Variants in LRP1B observed in about 807,000 individuals in gnomAD.
LRP1B encodes the protein LDL receptor related protein 1B, also known as low-density lipoprotein receptor-related protein 1B.
In LRP1B, 217 loss-of-function variants were observed where a neutral mutation model predicts 556.6. The observed-to-expected ratio is 0.39, with a 90% CI of 0.35 to 0.44. The LOEUF is 0.44. Ranked by LOEUF, LRP1B falls within the 20% of genes least tolerant of loss-of-function variation. LRP1B has a pLI of 1.00. For synonymous variants in LRP1B, 2,047 were observed against 1,865.8 expected, an observed-to-expected ratio of 1.10 and a Z score of -2.50; for missense variants, 5,053 against 5,620.8, an observed-to-expected ratio of 0.90 and a Z score of 3.23.
intron 59 of LRP1B, among the ~76,000 whole-genome samples, chr2:140,484,449 T>C (rs924157073): frequency 3.9e-5 from 6 of 152,174 alleles, no homozygotes; most frequent in Non-Finnish European, 7.4e-5. Context: ...TTAATTTAAA[T>C]TGCAGAAAAT....
chr2:141,212,854 A>G (rs891599631), intron 6 of LRP1B, among the ~76,000 whole-genome samples: 3 of 152,212 alleles, frequency 2.0e-5, no homozygotes, highest in Non-Finnish European at 4.4e-5. Flanking sequence ...ATGTTGACGT[A>G]TAATGAAACC....
chr2:140,629,638 G>A (rs985353587), intron 41 of LRP1B, among the ~76,000 whole-genome samples: 1 of 152,134 alleles, frequency 6.6e-6, no homozygotes, highest in Non-Finnish European at 1.5e-5. Context: ...CTATTGATAT[G>A]TATAAAAAAC....
chr2:141,929,845 A>G (rs1700437379), intron 1 of LRP1B, among the ~76,000 whole-genome samples: 1 of 149,308 alleles, frequency 6.7e-6, no homozygotes, highest in Non-Finnish European at 1.5e-5. Context: ...GGTCTCAGAG[A>G]TGAGTAAAAT....
intron 4 of LRP1B, among the ~76,000 whole-genome samples, chr2:141,249,500 G>A (rs1684186481): frequency 6.6e-6 from 1 of 152,144 alleles, no homozygotes. Flanking sequence ...AGGCAGCTGA[G>A]GCATGAGAAT....
intron 1 of LRP1B, among the ~76,000 whole-genome samples, chr2:142,099,928 G>A (rs1706512236): frequency 6.6e-6 from 1 of 151,760 alleles, no homozygotes; most frequent in Non-Finnish European, 1.5e-5. Flanking sequence ...ACCCCTCCTG[G>A]AATAGTAACC....
At position 140,701,780 on chromosome 2, in the gene LRP1B, C is replaced by T. The variant is rs746021966; in HGVS notation, c.6368G>A (p.Arg2123Lys). 6.2e-7 allele frequency: 1 copy of T among 1,613,164 alleles called. No individual in the cohort carries two copies. The change falls in exon 40 of 91, where the codon AGA becomes AAA. Residue 2123 changes from arginine to lysine, a missense_variant. Arg to Lys is a conservative substitution (Grantham distance 26). Transcript: ENST00000389484. The stretch of plus-strand genomic sequence containing the variant: ...CTTCAGGTTGACTCCAAGGCCGGTT[C>T]TCATGGTTATCGTTTCTGTGGCATC... ...KNDATETITM[R>K]TGLGVNLKEV...
intron 41 of LRP1B, among the ~76,000 whole-genome samples, chr2:140,604,670 A>T (rs572964419): frequency 6.6e-6 from 1 of 152,248 alleles, no homozygotes; most frequent in Admixed American, 6.5e-5. Flanking sequence ...TCCGGCTAGG[A>T]AAACAGTCGC....
chr2:140,646,764 A>G (rs925617344), intron 41 of LRP1B, among the ~76,000 whole-genome samples: 1 of 152,076 alleles, frequency 6.6e-6, no homozygotes, highest in African/African-American at 2.4e-5. Context: ...TTTCAGCATC[A>G]TTCCTAGATA....
At chr2:141,246,771 C>G (rs1056227902) in intron 5 of LRP1B, among the ~76,000 whole-genome samples, 19 of 152,246 alleles carry the variant, frequency 1.2e-4, no homozygotes, top group Admixed American at 1.2e-3. Context: ...TTGAGACCAG[C>G]CTGGCCAACA....
chr2:140,509,846 C>T lies in LRP1B; in HGVS notation c.8398+82G>A, dbSNP rs951215355. On this transcript the variant is annotated intron_variant, in intron 52 of 90. Transcript: ENST00000389484. The stretch of plus-strand genomic sequence containing the variant: ...AACTAGGAAAGCAATGGGAAATGTG[C>T]TATGGCAAATACTACAAAAACAAAT... 12 of 1,539,148 alleles carry T rather than the reference C, an allele frequency of 7.8e-6. No individual in the cohort carries two copies. The African/African-American group carries it at 1.6e-4, about 21-fold the overall frequency.
intron 7 of LRP1B, among the ~76,000 whole-genome samples, chr2:141,116,733 T>C (rs1450480887): frequency 7.9e-5 from 12 of 152,102 alleles, no homozygotes; most frequent in Admixed American, 7.2e-4. Context: ...GAATGATTTT[T>C]TTTTTTCTAT....
intron 15 of LRP1B, among the ~76,000 whole-genome samples, chr2:140,999,671 C>G (rs1697355542): frequency 6.6e-6 from 1 of 152,048 alleles, no homozygotes; most frequent in African/African-American, 2.4e-5. Context: ...TCACGTGCTA[C>G]TGAAGCGTGT....
At chr2:140,877,778 G>A (rs1168686287) in intron 25 of LRP1B, among the ~76,000 whole-genome samples, 1 of 152,114 alleles carries the variant, frequency 6.6e-6, no homozygotes, top group East Asian at 1.9e-4. Context: ...TACATATGTG[G>A]ATTGATGTCT....
At chr2:140,355,403 A>G (rs1272575787) in intron 75 of LRP1B, among the ~76,000 whole-genome samples, 1 of 151,962 alleles carries the variant, frequency 6.6e-6, no homozygotes, top group Admixed American at 6.6e-5. Context: ...TCTCATAGTA[A>G]TGGAACAATC....
intron 79 of LRP1B, among the ~76,000 whole-genome samples, chr2:140,327,453 C>T (rs997928763): frequency 2.0e-5 from 3 of 151,998 alleles, no homozygotes; most frequent in African/African-American, 4.8e-5. Context: ...ATTATTAAAT[C>T]GCTATTTGAA....
chr2:140,994,714 G>T (rs1697191884), intron 15 of LRP1B, among the ~76,000 whole-genome samples: 1 of 151,758 alleles, frequency 6.6e-6, no homozygotes, highest in African/African-American at 2.4e-5. Flanking sequence ...ACATTATGTT[G>T]TACACCTTAA....
At chr2:141,327,891 A>G (rs1472756211) in intron 3 of LRP1B, among the ~76,000 whole-genome samples, 1 of 151,656 alleles carries the variant, frequency 6.6e-6, no homozygotes, top group African/African-American at 2.4e-5. Context: ...AGAGAGAGAG[A>G]GAGAGAGAGA....
chr2:140,492,572 G>C (rs2104862643), intron 57 of LRP1B, 36 bp downstream of exon 57: 1 of 1,446,380 alleles, frequency 6.9e-7, no homozygotes, highest in South Asian at 1.1e-5. Flanking sequence ...TAGTGCACAT[G>C]TTAAATGTTA....
chr2:140,519,862 A>T (rs990744015), intron 49 of LRP1B, among the ~76,000 whole-genome samples: 1 of 152,212 alleles, frequency 6.6e-6, no homozygotes, highest in African/African-American at 2.4e-5. Flanking sequence ...CATGAAAAAA[A>T]TGCTCATCAT....
Sources: gnomAD v4.1 joint callset for allele counts (sites outside exome capture counted in the v4.1 genomes callset) on GRCh38, gnomAD v4.1.1 for gene constraint, MANE v1.5 for transcripts, NCBI Gene and HGNC (gene_info 2026-07-23, HGNC 2026-07-21) for gene names.